Variants in GNA14 observed in about 807,000 individuals in gnomAD.
GNA14 encodes the protein guanine nucleotide-binding protein subunit alpha-14.
Under a neutral mutation model 42.0 loss-of-function variants are expected in GNA14, and 50 were observed. The ratio of observed to expected loss-of-function variants is 1.19; its 90% CI spans 0.95 to 1.51. GNA14 has a LOEUF of 1.51. GNA14 is among the 40% of genes most tolerant of loss of function. GNA14 has a pLI of 0.00. For missense variants in GNA14, 473 were observed against 446.2 expected (o/e 1.06, Z -0.54); for synonymous variants, 173 against 163.1 (o/e 1.06, Z -0.46).
At chr9:77,451,705 C>T (rs1295989179) in intron 2 of GNA14, among the ~76,000 whole-genome samples, 1 of 152,202 alleles carries the variant, frequency 6.6e-6, no homozygotes, top group Non-Finnish European at 1.5e-5. Flanking sequence ...GTTTTTCCAG[C>T]TTGGGTGGAC....
At chr9:77,512,340 T>A (rs1190940275) in intron 2 of GNA14, among the ~76,000 whole-genome samples, 5 of 152,216 alleles carry the variant, frequency 3.3e-5, no homozygotes, top group Non-Finnish European at 7.3e-5. Flanking sequence ...AATTTTAAAC[T>A]GCTAATATTT....
intron 2 of GNA14, among the ~76,000 whole-genome samples, chr9:77,441,516 T>C (rs1228977425): frequency 6.6e-6 from 1 of 152,218 alleles, no homozygotes. Context: ...AATACACTTA[T>C]TATAGATAAT....
At chr9:77,464,955 G>A (rs1361967795) in intron 2 of GNA14, among the ~76,000 whole-genome samples, 1 of 152,172 alleles carries the variant, frequency 6.6e-6, no homozygotes, top group Non-Finnish European at 1.5e-5. Flanking sequence ...TGGAGGCAGA[G>A]ATTGGGGGTT....
intron 1 of GNA14, among the ~76,000 whole-genome samples, chr9:77,536,023 C>T (rs1837592739): frequency 6.6e-6 from 1 of 151,942 alleles, no homozygotes; most frequent in Admixed American, 6.6e-5. Flanking sequence ...CTTCAAGTTA[C>T]TCCTGCTAGT....
At chr9:77,500,590 A>T (rs1354200922) in intron 2 of GNA14, among the ~76,000 whole-genome samples, 1 of 152,046 alleles carries the variant, frequency 6.6e-6, no homozygotes, top group East Asian at 1.9e-4. Context: ...AGCCATAACC[A>T]CTTCCCTCCC....
intron 1 of GNA14, among the ~76,000 whole-genome samples, chr9:77,558,925 A>AC (rs111607292): frequency 0.26 from 37,807 of 146,642 alleles, 5,813 homozygotes; most frequent in African/African-American, 0.46. Context: ...TAAAAAACAA[A>AC]AAACAAAAAA....
At chr9:77,622,270 A>G (rs539163973) in intron 1 of GNA14, among the ~76,000 whole-genome samples, 3 of 152,354 alleles carry the variant, frequency 2.0e-5, no homozygotes, top group South Asian at 4.1e-4. Flanking sequence ...AAATGAGCTC[A>G]TATCTCTCAC....
At chr9:77,427,343 T>C (rs1233856459) in intron 5 of GNA14, among the ~76,000 whole-genome samples, 1 of 149,052 alleles carries the variant, frequency 6.7e-6, no homozygotes, top group Non-Finnish European at 1.5e-5. Flanking sequence ...AAAAAAAATC[T>C]CCAACTGAGA....
intron 2 of GNA14, among the ~76,000 whole-genome samples, chr9:77,458,912 G>GT (rs1252767297): frequency 6.6e-6 from 1 of 151,486 alleles, no homozygotes; most frequent in African/African-American, 2.4e-5. Flanking sequence ...GGAGGGGGGG[G>GT]GGTTGTCCTC....
intron 2 of GNA14, among the ~76,000 whole-genome samples, chr9:77,490,214 T>A (rs943872214): frequency 2.6e-5 from 4 of 151,674 alleles, no homozygotes; most frequent in Non-Finnish European, 5.9e-5. Context: ...GGTGCATTCA[T>A]AAACCTTGAG....
chr9:77,627,833 A>T (rs12001107), intron 1 of GNA14, among the ~76,000 whole-genome samples: 1 of 151,986 alleles, frequency 6.6e-6, no homozygotes. Flanking sequence ...AAACTGGCCA[A>T]GACAAGGATA....
chr9:77,645,589 G>T (rs1174151460), intron 1 of GNA14, among the ~76,000 whole-genome samples: 2 of 152,200 alleles, frequency 1.3e-5, no homozygotes, highest in African/African-American at 4.8e-5. Context: ...GGTAGGAGGA[G>T]GGTTGGAGCA....
At chr9:77,549,305 T>C (rs1329291470) in intron 1 of GNA14, among the ~76,000 whole-genome samples, 1 of 152,212 alleles carries the variant, frequency 6.6e-6, no homozygotes, top group Non-Finnish European at 1.5e-5. Flanking sequence ...CCCTCATCCT[T>C]GTGGTCTGAT....
intron 1 of GNA14, among the ~76,000 whole-genome samples, chr9:77,632,043 A>G (rs1206188936): frequency 6.6e-6 from 1 of 152,198 alleles, no homozygotes; most frequent in African/African-American, 2.4e-5. Context: ...CCACCGCTGC[A>G]GCTGCCAAAA....
rs142773287 is a variant in GNA14 at position 77,560,945 on chromosome 9, C to T, written c.125-31692G>A. Among the ~76,000 whole-genome samples the T allele has an allele frequency of 1.5e-4, 23 of 152,284 alleles. 1 individual carries two copies. In the East Asian group the frequency reaches 4.4e-3, roughly 29 times the overall value. ...CCATTCCTCCTGACTTCTTAAGCTT[C>T]ACTTTTCTAGCTGACATCTAGCTAA... On this transcript the variant is annotated intron_variant, in intron 1 of 6. Coordinates refer to ENST00000341700, the MANE Select transcript of GNA14 (RefSeq NM_004297.4).
intron 2 of GNA14, among the ~76,000 whole-genome samples, chr9:77,518,360 C>T (rs1199648766): frequency 1.3e-5 from 2 of 152,028 alleles, no homozygotes; most frequent in East Asian, 3.9e-4. Flanking sequence ...TCAGTGAATC[C>T]AAATAATGAC....
chr9:77,457,225 C>T (rs1836015947), intron 2 of GNA14, among the ~76,000 whole-genome samples: 2 of 152,104 alleles, frequency 1.3e-5, no homozygotes. Context: ...AAGAGAGAGA[C>T]AAGGAGAGAG....
chr9:77,560,237 G>C (rs1822858811), intron 1 of GNA14, among the ~76,000 whole-genome samples: 1 of 149,520 alleles, frequency 6.7e-6, no homozygotes, highest in Non-Finnish European at 1.5e-5. Flanking sequence ...AACTACTTAA[G>C]ACAAAATTAA....
At chr9:77,552,907 C>T (rs1488145423) in intron 1 of GNA14, among the ~76,000 whole-genome samples, 1 of 152,170 alleles carries the variant, frequency 6.6e-6, no homozygotes, top group East Asian at 1.9e-4. Flanking sequence ...CAACAGAACA[C>T]TGTACTGCAG....
Sources: allele counts gnomAD v4.1 joint callset (sites outside exome capture counted in the v4.1 genomes callset), GRCh38; gene constraint gnomAD v4.1.1; transcripts MANE v1.5; gene names NCBI Gene and HGNC (gene_info 2026-07-23, HGNC 2026-07-21).